The following HEATR5A variants were observed in gnomAD, a reference collection of about 807,000 sequenced individuals.
HEATR5A encodes the protein HEAT repeat-containing protein 5A.
Under a neutral mutation model 218.8 loss-of-function variants are expected in HEATR5A, and 178 were observed. The observed-to-expected ratio is 0.81, with a 90% CI of 0.72 to 0.92. The LOEUF is 0.92. Among genes scored for constraint, HEATR5A ranks in the 40% least tolerant of loss-of-function variants. HEATR5A has a pLI of 0.00. For missense variants in HEATR5A, 2,420 were observed against 2,418.9 expected (o/e 1.00, Z -0.01); for synonymous variants, 864 against 871.6 (o/e 0.99, Z 0.15).
intron 1 of HEATR5A, among the ~76,000 whole-genome samples, chr14:31,410,942 T>C (rs965878381): frequency 6.6e-6 from 1 of 152,182 alleles, no homozygotes; most frequent in African/African-American, 2.4e-5. Flanking sequence ...AAATTGGCTA[T>C]CATTAGTTAA....
At chr14:31,420,252 G>T (rs564728538) in intron 1 of HEATR5A, 1 of 152,562 alleles carries the variant, frequency 6.6e-6, no homozygotes, top group African/African-American at 2.4e-5. Context: ...CCCCTTCTCG[G>T]CGGACTCCAG....
chr14:31,399,168 T>A (rs1172460451), intron 3 of HEATR5A, among the ~76,000 whole-genome samples: 1 of 152,242 alleles, frequency 6.6e-6, no homozygotes, highest in Non-Finnish European at 1.5e-5. Flanking sequence ...TATACTGGCA[T>A]CATTTGTTGA....
intron 6 of HEATR5A, among the ~76,000 whole-genome samples, chr14:31,393,020 CA>C (rs1354294496): frequency 1.3e-5 from 2 of 152,074 alleles, no homozygotes; most frequent in Non-Finnish European, 2.9e-5. Flanking sequence ...TAAGACAAAG[CA>C]AAACTGTCCA....
chr14:31,296,108 T>A, intron 33 of HEATR5A, 45 bp from the exon 34 acceptor site: 1 of 1,514,942 alleles, frequency 6.6e-7, no homozygotes, highest in Non-Finnish European at 9.1e-7. Context: ...TTTACTGCTT[T>A]ATATACCTGT....
intron 16 of HEATR5A, among the ~76,000 whole-genome samples, chr14:31,355,533 G>A: frequency 6.6e-6 from 1 of 151,894 alleles, no homozygotes; most frequent in East Asian, 1.9e-4. Flanking sequence ...AGGAGATTGA[G>A]ACCAGCTTGG....
intron 1 of HEATR5A, among the ~76,000 whole-genome samples, chr14:31,409,268 G>C: frequency 6.7e-6 from 1 of 150,238 alleles, no homozygotes; most frequent in Admixed American, 6.6e-5. Context: ...GGCTGGTCTT[G>C]AACTCCTGAC....
rs746704968 is a variant in HEATR5A at position 31,386,511 on chromosome 14, T to C, written c.1254A>G (p.Gln418=). The part of the protein sequence containing the change: ...RLGSTDVAAS[Q]HMLVCALQEL... ...CTTGTAAAGCACAAACCAGCATATG[T>C]TGGCTAGCGGCTACATCTGTGGAAC... The change falls in exon 9 of 36, where the codon CAA becomes CAG. Residue 418 remains glutamine, a synonymous_variant. Coordinates refer to ENST00000543095, the MANE Select transcript of HEATR5A (RefSeq NM_015473.4). 9.9e-6 allele frequency: 16 copies of C among 1,611,684 alleles called. No individual in the cohort carries two copies. In the African/African-American group the frequency reaches 1.5e-4, roughly 15 times the overall value.
At chr14:31,295,575 T>G (rs1048479811) in intron 34 of HEATR5A, 2 of 152,434 alleles carry the variant, frequency 1.3e-5, no homozygotes, top group African/African-American at 4.9e-5. Context: ...TTTTTTTTTT[T>G]TTTTTTAAAT....
intron 3 of HEATR5A, 153 bp downstream of exon 3, chr14:31,400,148 A>C: frequency 5.8e-6 from 3 of 518,082 alleles, no homozygotes; most frequent in East Asian, 6.1e-5. Context: ...TAACATGAAA[A>C]GTGTTAGTTT....
chr14:31,296,059 A>G lies in HEATR5A; in HGVS notation c.5469T>C (p.Asp1823=), dbSNP rs1566744220. The G allele has an allele frequency of 1.2e-6, 2 of 1,612,768 alleles. No homozygotes were observed. The highest frequency in any genetic ancestry group is 1.7e-6 in the Non-Finnish European group (2 of 1,178,926). Residue 1823 remains aspartate (D), a synonymous_variant, in exon 34 of 36, where the codon GAT becomes GAC. Coordinates refer to ENST00000543095, the MANE Select transcript of HEATR5A (RefSeq NM_015473.4). ...CTTCATCAAGTTCTTGGTGTGTTTC[A>G]TCAACTAAAGAGAAATGCTCTATTA... The part of the protein sequence containing the change: ...TTILDCWDPV[D]ETHQELDEVS...
intron 11 of HEATR5A, among the ~76,000 whole-genome samples, chr14:31,375,751 A>G (rs1902203814): frequency 6.6e-6 from 1 of 152,190 alleles, no homozygotes; most frequent in South Asian, 2.1e-4. Context: ...CAGGTCAATA[A>G]TCAGATACAA....
At chr14:31,380,437 A>T (rs970469868) in intron 11 of HEATR5A, 30 bp downstream of exon 11, 2 of 1,327,782 alleles carry the variant, frequency 1.5e-6, no homozygotes, top group Non-Finnish European at 2.1e-6. Context: ...AAAGTATTTC[A>T]AGGTATGTAA....
intron 1 of HEATR5A, among the ~76,000 whole-genome samples, chr14:31,418,343 C>A (rs1423270386): frequency 6.6e-6 from 1 of 152,140 alleles, no homozygotes; most frequent in African/African-American, 2.4e-5. Flanking sequence ...TGTAAAGGAC[C>A]AGACAATACT....
intron 26 of HEATR5A, among the ~76,000 whole-genome samples, chr14:31,316,778 A>G (rs1010766440): frequency 2.0e-5 from 3 of 151,908 alleles, no homozygotes; most frequent in Admixed American, 6.6e-5. Flanking sequence ...TGTAGCCTTG[A>G]CCTCCACAGG....
intron 16 of HEATR5A, among the ~76,000 whole-genome samples, chr14:31,355,638 G>A (rs556021783): frequency 4.8e-4 from 73 of 152,212 alleles, no homozygotes; most frequent in African/African-American, 1.7e-3. Flanking sequence ...GGAGGCTGAG[G>A]CAGGAGAATC....
intron 10 of HEATR5A, 95 bp downstream of exon 10, chr14:31,383,426 C>T: frequency 8.0e-7 from 1 of 1,246,958 alleles, no homozygotes; most frequent in Non-Finnish European, 1.1e-6. Flanking sequence ...AGATGTACAG[C>T]AAAATAAAGC....
rs755830117 is a variant in HEATR5A, at chr14:31,293,891, G to A, written c.5833C>T (p.Arg1945Cys). 25 of 1,591,270 alleles carry A rather than the reference G, an allele frequency of 1.6e-5. No homozygotes were observed. In the South Asian group the frequency reaches 1.8e-4, roughly 12 times the overall value. Residue 1945 changes from arginine to cysteine, a missense_variant and splice_region_variant, in exon 35 of 36, where the codon CGC (arginine) becomes TGC (cysteine). Physicochemically the swap from Arg to Cys is radical, Grantham distance 180 (BLOSUM62 -3). Transcript: ENST00000543095. ...TLVTVAEEHH[R>C]AQLVACLLPI... ...GTATGAATTTAGTGCTGACACTTACGATGGTGTTCTTCAGCAACAGTAACC... is the reference window on the plus strand; with the variant it reads ...GTATGAATTTAGTGCTGACACTTACAATGGTGTTCTTCAGCAACAGTAACC...
At chr14:31,301,024 C>G (rs1899353094) in intron 33 of HEATR5A, among the ~76,000 whole-genome samples, 1 of 152,082 alleles carries the variant, frequency 6.6e-6, no homozygotes, top group Non-Finnish European at 1.5e-5. Context: ...TTTATAGGAG[C>G]CAGGCTCCAC....
intron 10 of HEATR5A, among the ~76,000 whole-genome samples, chr14:31,382,611 T>G (rs1253735471): frequency 1.3e-5 from 2 of 152,056 alleles, no homozygotes; most frequent in Non-Finnish European, 2.9e-5. Context: ...AATTTTTCTT[T>G]AGTTCTCTTC....
Sources: gnomAD v4.1 joint callset for allele counts (sites outside exome capture counted in the v4.1 genomes callset) on GRCh38, gnomAD v4.1.1 for gene constraint, MANE v1.5 for transcripts, NCBI Gene and HGNC (gene_info 2026-07-23, HGNC 2026-07-21) for gene names.